MEI4: variants seen among roughly 807,000 people sequenced by gnomAD.
MEI4 encodes the protein meiosis-specific protein MEI4.
MEI4 carries 27 observed loss-of-function variants against 31.4 expected under a neutral mutation model. The ratio of observed to expected loss-of-function variants is 0.86; its 90% CI spans 0.63 to 1.19. The LOEUF is 1.19. Ranked by LOEUF, MEI4 falls within the 50% of genes most tolerant of loss-of-function variation. The pLI, the probability that MEI4 is intolerant of heterozygous loss-of-function variation, is 0.00. For missense variants in MEI4, 329 were observed against 398.9 expected (o/e 0.82, Z 1.49); for synonymous variants, 122 against 145.4 (o/e 0.84, Z 1.16).
chr6:77,762,452 C>T (rs1195464928), intron 3 of MEI4, among the ~76,000 whole-genome samples: 1 of 152,060 alleles, frequency 6.6e-6, no homozygotes, highest in African/African-American at 2.4e-5. Context: ...TTCCAAATGG[C>T]TTCACATTTT....
In MEI4 at chr6:77,748,268, C is replaced by T. The variant is rs1767667194; in HGVS notation, c.233-12862C>T. ...AGTGGCTCTCCATGAGGCCTCTCCC[C>T]CTGCAGCAGACTTCTGCCTGGACAT... is the stretch of plus-strand genomic sequence containing the variant. On this transcript the variant is annotated intron_variant, in intron 2 of 4. Coordinates refer to ENST00000684080, the MANE Select transcript of MEI4 (RefSeq NM_001322247.2). Among the ~76,000 whole-genome samples, 5 of 152,216 alleles carry T rather than the reference C, an allele frequency of 3.3e-5. No individual in the cohort carries two copies. In the South Asian group the frequency reaches 1.0e-3, roughly 32 times the overall value.
At chr6:77,716,582 G>T (rs1354472545) in intron 2 of MEI4, among the ~76,000 whole-genome samples, 1 of 152,058 alleles carries the variant, frequency 6.6e-6, no homozygotes, top group Non-Finnish European at 1.5e-5. Context: ...ATTGCCCTGG[G>T]ATTGGCAAAA....
At chr6:77,782,116 G>A (rs1768610336) in intron 3 of MEI4, among the ~76,000 whole-genome samples, 1 of 152,082 alleles carries the variant, frequency 6.6e-6, no homozygotes, top group Non-Finnish European at 1.5e-5. Context: ...ATGGAGAGAG[G>A]GTAATGTTGT....
At chr6:77,830,138 T>A (rs1025505834) in intron 4 of MEI4, among the ~76,000 whole-genome samples, 7 of 152,078 alleles carry the variant, frequency 4.6e-5, no homozygotes, top group Non-Finnish European at 7.4e-5. Flanking sequence ...AGATTGCAAG[T>A]CCCTGAAAAT....
chr6:77,733,307 C>T (rs2127668872), intron 2 of MEI4, among the ~76,000 whole-genome samples: 1 of 152,056 alleles, frequency 6.6e-6, no homozygotes, highest in East Asian at 1.9e-4. Context: ...ATTTCAGATC[C>T]TGTTATTGGT....
intron 2 of MEI4, among the ~76,000 whole-genome samples, chr6:77,710,539 AAAAG>A (rs532199340): frequency 0.015 from 1,751 of 120,362 alleles, 47 homozygotes; most frequent in African/African-American, 0.048. Context: ...AAAAAAAAAA[AAAAG>A]AAAAGGTAAA....
intron 4 of MEI4, among the ~76,000 whole-genome samples, chr6:77,894,048 T>C (rs943181371): frequency 6.6e-6 from 1 of 152,142 alleles, no homozygotes; most frequent in African/African-American, 2.4e-5. Context: ...GGAAAAAAAT[T>C]TCTCTAGATT....
chr6:77,795,424 C>T (rs927470256), intron 3 of MEI4, among the ~76,000 whole-genome samples: 4 of 152,030 alleles, frequency 2.6e-5, no homozygotes, highest in Admixed American at 1.3e-4. Flanking sequence ...TTTTGTCCTA[C>T]CTACCCTTGA....
intron 2 of MEI4, among the ~76,000 whole-genome samples, chr6:77,692,589 C>T (rs1582027925): frequency 1.3e-5 from 2 of 152,108 alleles, no homozygotes; most frequent in South Asian, 2.1e-4. Flanking sequence ...AATAAAAGGA[C>T]AGACATGTAG....
chr6:77,847,516 T>C lies in MEI4; in HGVS notation c.900+18454T>C, dbSNP rs1770517709. ...GAAAATATCAAATGCATTTCAATAA[T>C]ATACCTTTACTGATTGTTTTTCTCT... On this transcript the variant is annotated intron_variant, in intron 4 of 4. Transcript: ENST00000684080. The surrounding 1 kb of genome is among the most constrained non-coding windows in gnomAD (Gnocchi z 4.6). 6.6e-6 allele frequency among the ~76,000 whole-genome samples: 1 copy of C among 152,160 alleles called. No individual in the cohort carries two copies. The highest frequency in any genetic ancestry group is 2.4e-5 in the African/African-American group (1 of 41,438).
intron 1 of MEI4, among the ~76,000 whole-genome samples, chr6:77,686,075 C>A (rs983576642): frequency 2.0e-5 from 3 of 152,110 alleles, no homozygotes; most frequent in Admixed American, 1.3e-4. Flanking sequence ...CCCTTTCTTG[C>A]TTTTTCTTAT....
intron 4 of MEI4, among the ~76,000 whole-genome samples, chr6:77,872,263 C>G (rs138233281): frequency 2.2e-3 from 336 of 152,184 alleles, no homozygotes; most frequent in African/African-American, 7.4e-3. Flanking sequence ...GGTCTTTTCT[C>G]ATGTTCACTC....
chr6:77,817,034 T>A (rs1769705708), intron 3 of MEI4, among the ~76,000 whole-genome samples: 1 of 151,920 alleles, frequency 6.6e-6, no homozygotes, highest in Non-Finnish European at 1.5e-5. Flanking sequence ...TGTGTGTGTG[T>A]GTGTGTGTTG....
At chr6:77,759,717 C>G (rs545925479) in intron 2 of MEI4, among the ~76,000 whole-genome samples, 1 of 152,236 alleles carries the variant, frequency 6.6e-6, no homozygotes, top group South Asian at 2.1e-4. Context: ...CCTTTTCTTT[C>G]TCTTCCACTG....
intron 1 of MEI4, among the ~76,000 whole-genome samples, chr6:77,664,561 G>A (rs138715375): frequency 0.012 from 1,816 of 152,242 alleles, 34 homozygotes; most frequent in African/African-American, 0.041. Flanking sequence ...GGGTGGAGGA[G>A]TGGAGGCTGA....
At chr6:77,755,042 T>C (rs72898537) in intron 2 of MEI4, among the ~76,000 whole-genome samples, 4,455 of 152,220 alleles carry the variant, frequency 0.029, 121 homozygotes, top group Non-Finnish European at 0.046. Context: ...GTATCAAGAA[T>C]TCATGTGACT....
intron 4 of MEI4, among the ~76,000 whole-genome samples, chr6:77,861,417 T>C (rs1251407278): frequency 6.6e-6 from 1 of 152,226 alleles, no homozygotes; most frequent in Admixed American, 6.5e-5. Flanking sequence ...CTTCCACTTT[T>C]TTAATTTTGG....
At chr6:77,697,436 GA>G (rs1440388531) in intron 2 of MEI4, among the ~76,000 whole-genome samples, 1 of 152,074 alleles carries the variant, frequency 6.6e-6, no homozygotes, top group African/African-American at 2.4e-5. Flanking sequence ...ACACTGCTTT[GA>G]ATGTGTCCCA....
At chr6:77,842,734 CTGTA>C (rs1451809423) in intron 4 of MEI4, among the ~76,000 whole-genome samples, 1 of 151,898 alleles carries the variant, frequency 6.6e-6, no homozygotes, top group Non-Finnish European at 1.5e-5. Flanking sequence ...TTGCCAATGC[CTGTA>C]AAGGGAAGTG....
Sources: allele counts gnomAD v4.1 joint callset (sites outside exome capture counted in the v4.1 genomes callset), GRCh38; gene constraint gnomAD v4.1.1; non-coding constraint Gnocchi (gnomAD v3.1); transcripts MANE v1.5; gene names NCBI Gene and HGNC (gene_info 2026-07-23, HGNC 2026-07-21).